JAM2: variants seen among roughly 807,000 people sequenced by gnomAD.
JAM2 encodes junctional adhesion molecule 2.
In JAM2, 17 loss-of-function variants were observed where a neutral mutation model predicts 42.0. That is an observed-to-expected ratio of 0.40 (90% CI 0.28 to 0.61). The LOEUF is 0.61. Among genes scored for constraint, JAM2 ranks in the 20% least tolerant of loss-of-function variants. The pLI, the probability that JAM2 is intolerant of heterozygous loss-of-function variation, is 0.37. For missense variants in JAM2, 319 were observed against 358.3 expected (o/e 0.89, Z 0.89); for synonymous variants, 118 against 128.6 (o/e 0.92, Z 0.56).
At chr21:25,668,880 C>T (rs1043076070) in intron 1 of JAM2, among the ~76,000 whole-genome samples, 1 of 151,988 alleles carries the variant, frequency 6.6e-6, no homozygotes, top group Non-Finnish European at 1.5e-5. Context: ...GTGTAGAAAG[C>T]GTGTTAAGAA....
In JAM2 at chr21:25,683,899, G is replaced by A. The variant is rs377194277; in HGVS notation, c.84G>A (p.Gly28=). 19 of 1,607,962 alleles carry A rather than the reference G, an allele frequency of 1.2e-5. No individual in the cohort carries two copies. The highest frequency in any genetic ancestry group is 1.6e-5 in the Non-Finnish European group (19 of 1,174,986). ...ATCTTTCAGATCATAAGGCCTATGG[G>A]TTTTCTGCCCCAAAAGACCAACAAG... ...VVALGYHKAY[G]FSAPKDQQVV... is the part of the protein sequence containing the mutation. The change falls in exon 2 of 10, where the codon GGG becomes GGA. Residue 28 remains glycine, a synonymous_variant. Transcript: ENST00000480456.
At position 25,717,497 on chromosome 21, in the gene JAM2, C is replaced by T. The variant is rs141987754; in HGVS notation, c.*2825C>T. 1.1e-6 allele frequency: 1 copy of T among 879,002 alleles called. No homozygotes were observed. The highest frequency in any genetic ancestry group is 1.6e-6 in the Non-Finnish European group (1 of 623,474). 54.5% of individuals were successfully genotyped at this position (879,002 alleles called of 1,614,324 possible). On this transcript the variant is annotated 3_prime_UTR_variant, in exon 10 of 10. Transcript: ENST00000480456. The stretch of plus-strand genomic sequence containing the variant: ...ACCAATTGATTGCTTTTCAATACAA[C>T]TTTGCAAAGAACTTCCTTTTTCCAC...
At chr21:25,644,192 T>C (rs1351805330) in intron 1 of JAM2, 1 of 152,218 alleles carries the variant, frequency 6.6e-6, no homozygotes, top group Non-Finnish European at 1.5e-5. Context: ...TCTTGGACGG[T>C]GTTACTGTTA....
intron 1 of JAM2, among the ~76,000 whole-genome samples, chr21:25,657,115 T>A (rs1055374012): frequency 6.6e-6 from 1 of 152,222 alleles, no homozygotes; most frequent in East Asian, 1.9e-4. Context: ...TTTTTCTTTT[T>A]TGGGATGGGA....
rs78919751 is a variant in JAM2, at chr21:25,677,076, A to C, written c.68-6807A>C. Reference sequence around the variant, plus strand: ...TAGCTAGAAGGAGAAGATACTTAAAATCACAAAAATAGGTACAATGTATGT... The same window carrying C: ...TAGCTAGAAGGAGAAGATACTTAAACTCACAAAAATAGGTACAATGTATGT... On this transcript the variant is annotated intron_variant, in intron 1 of 9. Coordinates refer to ENST00000480456, the MANE Select transcript of JAM2 (RefSeq NM_021219.4). Among the ~76,000 whole-genome samples the C allele has an allele frequency of 1.6e-3, 251 of 152,300 alleles. 8 individuals are homozygous for C. The East Asian group carries it at 0.04, about 24-fold the overall frequency.
intron 1 of JAM2, among the ~76,000 whole-genome samples, chr21:25,673,048 G>T (rs1019301504): frequency 6.6e-6 from 1 of 152,150 alleles, no homozygotes; most frequent in African/African-American, 2.4e-5. Flanking sequence ...TAAATGAATT[G>T]TGTTTGGCTG....
intron 1 of JAM2, among the ~76,000 whole-genome samples, chr21:25,664,235 A>G (rs1443946216): frequency 2.6e-5 from 4 of 151,374 alleles, no homozygotes; most frequent in Admixed American, 1.3e-4. Flanking sequence ...TTTTTATTTT[A>G]CTTATTTATT....
chr21:25,663,888 C>A (rs1033631361), intron 1 of JAM2, among the ~76,000 whole-genome samples: 4 of 152,160 alleles, frequency 2.6e-5, no homozygotes, highest in African/African-American at 9.7e-5. Context: ...AATTTCACAC[C>A]TGTGTGCATG....
chr21:25,701,292 C>T (rs2034158436), intron 5 of JAM2, among the ~76,000 whole-genome samples: 1 of 152,202 alleles, frequency 6.6e-6, no homozygotes, highest in Non-Finnish European at 1.5e-5. Flanking sequence ...AAAACTTTCT[C>T]TCCCTCCATC....
At chr21:25,677,041 G>T (rs2033514083) in intron 1 of JAM2, among the ~76,000 whole-genome samples, 1 of 151,964 alleles carries the variant, frequency 6.6e-6, no homozygotes, top group South Asian at 2.1e-4. Flanking sequence ...TAGAATTAGA[G>T]GAAGAAAGGT....
At chr21:25,687,336 G>C (rs2033772415) in intron 2 of JAM2, among the ~76,000 whole-genome samples, 1 of 152,128 alleles carries the variant, frequency 6.6e-6, no homozygotes, top group Non-Finnish European at 1.5e-5. Flanking sequence ...TGGATATAAT[G>C]TTCAAAAAAA....
At chr21:25,660,232 T>G (rs1355753264) in intron 1 of JAM2, among the ~76,000 whole-genome samples, 1 of 152,196 alleles carries the variant, frequency 6.6e-6, no homozygotes, top group Non-Finnish European at 1.5e-5. Context: ...TCTTATAGTT[T>G]TATTGTGAGA....
chr21:25,709,429 T>G lies in JAM2; in HGVS notation c.806-5T>G, dbSNP rs2034338310. ...CATTAATGATATATACTTTTTCTTT[T>G]GTAGAAGAAACCTCCTTCCAGTAAG... On this transcript the variant is annotated splice_polypyrimidine_tract_variant and splice_region_variant and intron_variant, in intron 7 of 9. Coordinates refer to ENST00000480456, the MANE Select transcript of JAM2 (RefSeq NM_021219.4). 7.0e-7 allele frequency: 1 copy of G among 1,419,996 alleles called. No individual in the cohort carries two copies. The highest frequency in any genetic ancestry group is 9.8e-7 in the Non-Finnish European group (1 of 1,020,152). The allele number at this position is 1,419,996 out of a possible 1,614,324, so 88.0% of individuals were successfully genotyped here. A position where few individuals can be genotyped will look rare whatever the true frequency, so the allele number is the denominator to read the frequency against.
chr21:25,645,286 T>C (rs2032575501), intron 1 of JAM2, among the ~76,000 whole-genome samples: 1 of 152,274 alleles, frequency 6.6e-6, no homozygotes, highest in African/African-American at 2.4e-5. Context: ...TGTGATCTTA[T>C]ACAGGTTAAC....
chr21:25,709,190 A>G (rs970007870), intron 7 of JAM2, among the ~76,000 whole-genome samples: 1 of 150,190 alleles, frequency 6.7e-6, no homozygotes, highest in Non-Finnish European at 1.5e-5. Context: ...AAATGTTTGG[A>G]AATTTGTTTG....
At chr21:25,698,292 C>A (rs567756942) in intron 4 of JAM2, among the ~76,000 whole-genome samples, 9 of 152,186 alleles carry the variant, frequency 5.9e-5, no homozygotes, top group Non-Finnish European at 8.8e-5. Flanking sequence ...CAATATATGA[C>A]GTTCCAAGGT....
chr21:25,688,496 A>C (rs1227347251), intron 2 of JAM2, among the ~76,000 whole-genome samples: 1 of 152,220 alleles, frequency 6.6e-6, no homozygotes, highest in African/African-American at 2.4e-5. Context: ...CATTCTCCTT[A>C]ATCAACAGAA....
At chr21:25,648,130 G>C (rs577695281) in intron 1 of JAM2, among the ~76,000 whole-genome samples, 2 of 152,250 alleles carry the variant, frequency 1.3e-5, no homozygotes, top group African/African-American at 4.8e-5. Flanking sequence ...AGAATCACTT[G>C]AACGTGGGAG....
chr21:25,713,831 C>T (rs1338830220), intron 9 of JAM2, among the ~76,000 whole-genome samples: 4 of 152,206 alleles, frequency 2.6e-5, no homozygotes, highest in Non-Finnish European at 4.4e-5. Flanking sequence ...CCCATCCCTC[C>T]AAACAGTATG....
Sources: gnomAD v4.1 joint callset for allele counts (sites outside exome capture counted in the v4.1 genomes callset) on GRCh38, gnomAD v4.1.1 for gene constraint, MANE v1.5 for transcripts, NCBI Gene and HGNC (gene_info 2026-07-23, HGNC 2026-07-21) for gene names.